Variants in TYW1 observed in about 807,000 individuals in gnomAD.
TYW1 encodes the protein tRNA-yW synthesizing protein 1 homolog.
In TYW1, 46 loss-of-function variants were observed where a neutral mutation model predicts 96.2. That is an observed-to-expected ratio of 0.48 (90% CI 0.38 to 0.61). The LOEUF is 0.61. TYW1 is among the 20% of genes least tolerant of loss of function. The pLI is 0.00. For missense variants in TYW1, 684 were observed against 909.6 expected, an observed-to-expected ratio of 0.75 and a Z score of 3.19; for synonymous variants, 274 against 323.0, an observed-to-expected ratio of 0.85 and a Z score of 1.63.
intron 12 of TYW1, among the ~76,000 whole-genome samples, chr7:67,105,221 A>C (rs1563015976): frequency 6.6e-6 from 1 of 152,246 alleles, no homozygotes; most frequent in Non-Finnish European, 1.5e-5. Flanking sequence ...GGGCAGGGGC[A>C]CTTGGGTACT....
chr7:67,124,536 C>T (rs1797860631), intron 13 of TYW1, among the ~76,000 whole-genome samples: 1 of 151,996 alleles, frequency 6.6e-6, no homozygotes, highest in African/African-American at 2.4e-5. Flanking sequence ...TGGCCTTCAA[C>T]TATTTATATA....
At chr7:67,190,533 G>T (rs1800174421) in intron 14 of TYW1, among the ~76,000 whole-genome samples, 1 of 152,186 alleles carries the variant, frequency 6.6e-6, no homozygotes, top group Non-Finnish European at 1.5e-5. Context: ...CCTGAATGGA[G>T]GTTAAAGAAA....
At chr7:67,217,382 T>C (rs562911765) in intron 15 of TYW1, among the ~76,000 whole-genome samples, 3 of 152,318 alleles carry the variant, frequency 2.0e-5, no homozygotes, top group South Asian at 2.1e-4. Flanking sequence ...AAGAGTCTTA[T>C]AGTTTTAAGT....
chr7:67,150,795 CT>C (rs1324883956), intron 13 of TYW1, among the ~76,000 whole-genome samples: 1 of 150,234 alleles, frequency 6.7e-6, no homozygotes, highest in Non-Finnish European at 1.5e-5. Flanking sequence ...TTTTTCCCCC[CT>C]GTCTGACCCA....
intron 7 of TYW1, among the ~76,000 whole-genome samples, chr7:67,029,415 GTATA>G (rs55802244): frequency 5.1e-4 from 48 of 94,348 alleles, no homozygotes; most frequent in African/African-American, 1.3e-3. Context: ...GTGTGTGTGT[GTATA>G]TATATATATA....
intron 13 of TYW1, among the ~76,000 whole-genome samples, chr7:67,143,767 T>C (rs1448117950): frequency 6.6e-6 from 1 of 152,240 alleles, no homozygotes; most frequent in Non-Finnish European, 1.5e-5. Flanking sequence ...GTCCACAAGC[T>C]GGTAGTGCCT....
chr7:67,209,471 G>A (rs1216213680), intron 15 of TYW1, among the ~76,000 whole-genome samples: 1 of 152,204 alleles, frequency 6.6e-6, no homozygotes, highest in African/African-American at 2.4e-5. Flanking sequence ...TCCTAGTACA[G>A]CGGGTCACAG....
chr7:67,080,940 G>GTTTTTTTTTTTTTTTTTTTTTTTTTTTT (rs71049495), intron 10 of TYW1, among the ~76,000 whole-genome samples: 1 of 37,252 alleles, frequency 2.7e-5, no homozygotes, highest in Non-Finnish European at 4.8e-5. Context: ...CTTTCTTACT[G>GTTTTTTTTTTTTTTTTTTTTTTTTTTTT]TTTTTTTTTT....
At chr7:67,125,609 T>C (rs1283492854) in intron 13 of TYW1, among the ~76,000 whole-genome samples, 1 of 152,126 alleles carries the variant, frequency 6.6e-6, no homozygotes, top group Non-Finnish European at 1.5e-5. Flanking sequence ...TTAGGGTTCA[T>C]TGTTGTGGTT....
chr7:67,043,836 C>G (rs565589442), intron 7 of TYW1, among the ~76,000 whole-genome samples: 1 of 152,186 alleles, frequency 6.6e-6, no homozygotes, highest in African/African-American at 2.4e-5. Context: ...GCTTTTCCAC[C>G]AGTTCAAAAG....
At chr7:67,237,111 C>T (rs1801912837) in intron 15 of TYW1, among the ~76,000 whole-genome samples, 1 of 152,208 alleles carries the variant, frequency 6.6e-6, no homozygotes, top group South Asian at 2.1e-4. Context: ...GTCTTGAACG[C>T]CTGACCTCAG....
chr7:67,107,127 A>C (rs996180826), intron 12 of TYW1, among the ~76,000 whole-genome samples: 2 of 152,240 alleles, frequency 1.3e-5, no homozygotes, highest in Non-Finnish European at 2.9e-5. Flanking sequence ...GAGATGAGTG[A>C]AGTTTAATAA....
chr7:67,035,396 G>A (rs1289799031), intron 7 of TYW1, among the ~76,000 whole-genome samples: 2 of 152,046 alleles, frequency 1.3e-5, no homozygotes, highest in East Asian at 1.9e-4. Context: ...GATTACAAGC[G>A]TGAGCCACTG....
intron 13 of TYW1, among the ~76,000 whole-genome samples, chr7:67,173,193 T>C (rs913655530): frequency 4.6e-5 from 7 of 152,266 alleles, no homozygotes; most frequent in African/African-American, 1.4e-4. Context: ...TAACTTTTTT[T>C]CTCAGAGTAA....
At chr7:67,093,375 G>A (rs1202874744) in intron 11 of TYW1, among the ~76,000 whole-genome samples, 10 of 152,080 alleles carry the variant, frequency 6.6e-5, no homozygotes, top group Non-Finnish European at 1.3e-4. Flanking sequence ...GGGTGAGAGA[G>A]GCTTGACCAA....
rs370624282 is a variant in TYW1, at chr7:67,238,407, G to A, written c.2077G>A (p.Ala693Thr). The part of the protein sequence containing the change: ...EDSGGSKTFS[A>T]KDYMARTPHW... ...TAGTGGTGGATCAAAAACGTTCAGC[G>A]CAAAGGATTATATGGCCAGAACTCC... Residue 693 changes from alanine to threonine, a missense_variant, in exon 16 of 16, where the codon GCA becomes ACA. Transcript: ENST00000359626. 206 of 1,613,858 alleles carry A rather than the reference G, an allele frequency of 1.3e-4. No homozygotes were observed. Among genetic ancestry groups the A allele is most frequent in the Middle Eastern group, 1.7e-4 (1 of 6,056 alleles).
intron 15 of TYW1, among the ~76,000 whole-genome samples, chr7:67,214,168 T>C (rs1746556331): frequency 6.6e-6 from 1 of 152,236 alleles, no homozygotes; most frequent in African/African-American, 2.4e-5. Flanking sequence ...TACTGAAATA[T>C]GCCTGATTTT....
Position 67,227,399 on chromosome 7 carries a change from G to C in TYW1, c.1978-10909G>C, listed in dbSNP as rs530487253. On this transcript the variant is annotated intron_variant, in intron 15 of 15. Transcript: ENST00000359626. ...AGCCTCCTACGTAGCTGGGATTACA[G>C]GCATGCACCACCACACCCGGCTAAT... Among the ~76,000 whole-genome samples the C allele has an allele frequency of 5.7e-4, 87 of 152,286 alleles. 1 individual carries two copies. The highest frequency in any genetic ancestry group is 1.8e-3 in the Admixed American group (27 of 15,300).
At chr7:67,219,864 A>G (rs1004263133) in intron 15 of TYW1, among the ~76,000 whole-genome samples, 2 of 88,628 alleles carry the variant, frequency 2.3e-5, no homozygotes, top group East Asian at 3.4e-4. Context: ...TTTTTTTTCT[A>G]TTCTCTATTT....
Sources: allele counts gnomAD v4.1 joint callset (sites outside exome capture counted in the v4.1 genomes callset), GRCh38; gene constraint gnomAD v4.1.1; transcripts MANE v1.5; gene names NCBI Gene and HGNC (gene_info 2026-07-23, HGNC 2026-07-21).